ANKS6: variants seen among roughly 807,000 people sequenced by gnomAD.
ANKS6 encodes ankyrin repeat and SAM domain-containing protein 6.
A neutral mutation model predicts 77.9 loss-of-function variants in ANKS6; 47 were observed. That is an observed-to-expected ratio of 0.60 (90% confidence interval 0.48 to 0.77). The LOEUF (loss-of-function observed/expected upper bound fraction) is 0.77, where lower values mean the gene tolerates loss of function less well. Among genes scored for constraint, ANKS6 ranks in the 30% least tolerant of loss-of-function variants. The pLI, the probability that ANKS6 is intolerant of heterozygous loss-of-function variation, is 0.00. For missense variants in ANKS6, 1,150 were observed against 1,159.1 expected (o/e 0.99, Z 0.11); for synonymous variants, 488 against 501.7 (o/e 0.97, Z 0.37).
chr9:98,734,167 C>T lies in ANKS6; in HGVS notation c.*2352G>A. ...AGGGTGCCAGGGACCTCTTGTGAAC[C>T]AGCACACAAACTTCCTAGGATGAAA... is the stretch of plus-strand genomic sequence containing the variant. On this transcript the variant is annotated 3_prime_UTR_variant, in exon 15 of 15. Coordinates refer to ENST00000353234, the MANE Select transcript of ANKS6 (RefSeq NM_173551.5). 1.0e-6 allele frequency: 1 copy of T among 985,420 alleles called. No individual in the cohort carries two copies. The highest frequency in any genetic ancestry group is 1.7e-5 in the African/African-American group (1 of 57,336). 61.0% of individuals were successfully genotyped at this position (985,420 alleles called of 1,614,324 possible).
intron 2 of ANKS6, among the ~76,000 whole-genome samples, chr9:98,786,046 T>C (rs1834545751): frequency 6.6e-6 from 1 of 152,242 alleles, no homozygotes; most frequent in African/African-American, 2.4e-5. Context: ...TGGCGTGATC[T>C]TGGCTCACTG....
intron 14 of ANKS6, among the ~76,000 whole-genome samples, chr9:98,741,208 A>G (rs1313828720): frequency 1.3e-5 from 2 of 152,228 alleles, no homozygotes; most frequent in African/African-American, 4.8e-5. Context: ...TATATGAAAA[A>G]GAGTTCTTAA....
In ANKS6 at chr9:98,791,981, G is replaced by A. The variant is rs1281315799; in HGVS notation, c.360-1375C>T. Among the ~76,000 whole-genome samples the A allele has an allele frequency of 4.6e-5, 7 of 152,124 alleles. No individual in the cohort carries two copies. The highest frequency in any genetic ancestry group is 9.7e-5 in the African/African-American group (4 of 41,428). On this transcript the variant is annotated intron_variant, in intron 1 of 14. Transcript: ENST00000353234. This position sits in a 1 kb window ranked among gnomAD's most constrained non-coding sequence, Gnocchi z 4.3. Reference sequence around the variant, plus strand: ...TGAAACCAACTCAATGCAGAAAGCTGCACCCCAATGTCTCCCCGCCTCCAG... The same window carrying A: ...TGAAACCAACTCAATGCAGAAAGCTACACCCCAATGTCTCCCCGCCTCCAG...
intron 11 of ANKS6, among the ~76,000 whole-genome samples, chr9:98,761,186 T>G (rs1261815795): frequency 6.6e-6 from 1 of 152,264 alleles, no homozygotes; most frequent in African/African-American, 2.4e-5. Flanking sequence ...TTTTCTTTGA[T>G]GAAGTATCTG....
intron 12 of ANKS6, among the ~76,000 whole-genome samples, chr9:98,753,743 G>GCGCA (rs769169569): frequency 6.6e-6 from 1 of 152,140 alleles, no homozygotes; most frequent in Non-Finnish European, 1.5e-5. Context: ...GAGCAGAGAT[G>GCGCA]CGCAGTAGGA....
Position 98,733,745 on chromosome 9 carries a change from T to C in ANKS6, c.*2774A>G, listed in dbSNP as rs1224975247. 1 of 985,516 alleles carries C rather than the reference T, an allele frequency of 1.0e-6. No individual in the cohort carries two copies. The highest frequency in any genetic ancestry group is 1.2e-6 in the Non-Finnish European group (1 of 830,002). 61.0% of individuals were successfully genotyped at this position (985,516 alleles called of 1,614,324 possible). Reference sequence around the variant, plus strand: ...CATGCTGAAGGTTGTGAGAGGCCTGTAGCAAAGATGATCGTGTAGCTCGCT... The same window carrying C: ...CATGCTGAAGGTTGTGAGAGGCCTGCAGCAAAGATGATCGTGTAGCTCGCT... On this transcript the variant is annotated 3_prime_UTR_variant, in exon 15 of 15. Transcript: ENST00000353234.
chr9:98,794,275 G>A (rs1221452723), intron 1 of ANKS6, among the ~76,000 whole-genome samples: 1 of 152,132 alleles, frequency 6.6e-6, no homozygotes, highest in Non-Finnish European at 1.5e-5. Context: ...GAGCTGGGAC[G>A]ATAAATAGAT....
In ANKS6 at chr9:98,770,907, A is replaced by G. The variant is rs766048574; in HGVS notation, c.1961T>C (p.Leu654Pro). 1 of 1,517,562 alleles carries G rather than the reference A, an allele frequency of 6.6e-7. No homozygotes were observed. Among genetic ancestry groups the G allele is most frequent in the Non-Finnish European group, 8.9e-7 (1 of 1,127,960 alleles). The allele number at this position is 1,517,562 out of a possible 1,614,324, so 94.0% of individuals were successfully genotyped here. A position where few individuals can be genotyped will look rare whatever the true frequency, so the allele number is the denominator to read the frequency against. The change falls in exon 10 of 15, where the codon CTT (leucine) becomes CCT (proline). Residue 654 changes from leucine to proline, a missense_variant. Coordinates refer to ENST00000353234, the MANE Select transcript of ANKS6 (RefSeq NM_173551.5). The stretch of plus-strand genomic sequence containing the variant: ...GCCCAGCTACTCACCTGAGCGGTTA[A>G]GCAGCTCCCCACCGTGCCGGCTCAC... ...VGVSRHGGEL[L>P]NRSGGSIDNV...
Position 98,796,210 on chromosome 9 carries a change from C to A in ANKS6, c.282G>T (p.Val94=), listed in dbSNP as rs1480325652. 2.1e-6 allele frequency: 3 copies of A among 1,415,804 alleles called. No homozygotes were observed. The highest frequency in any genetic ancestry group is 5.3e-5 in the Admixed American group (2 of 37,450). The allele number at this position is 1,415,804 out of a possible 1,614,324, so 87.7% of individuals were successfully genotyped here. Residue 94 remains valine (V), a synonymous_variant, in exon 1 of 15, where the codon GTG becomes GTT. Transcript: ENST00000353234. ...FAAAGGHEPL[V]RFLLRRGASV... ...AGGCACCGCGGCGCAGCAGGAAGCG[C>A]ACCAGCGGTTCGTGGCCCCCGGCCG... is the stretch of plus-strand genomic sequence containing the variant.
At chr9:98,768,396 G>A in intron 10 of ANKS6, 146 bp from the exon 11 acceptor site, 1 of 962,008 alleles carries the variant, frequency 1.0e-6, no homozygotes, top group Non-Finnish European at 1.5e-6. Context: ...CTGACCACAG[G>A]AGAATTCTGC....
chr9:98,768,391 C>T (rs1833424326), intron 10 of ANKS6, 141 bp from the exon 11 acceptor site: 1 of 1,003,710 alleles, frequency 1.0e-6, no homozygotes, highest in African/African-American at 1.6e-5. Flanking sequence ...CAGGACTGAC[C>T]ACAGGAGAAT....
At position 98,776,626 on chromosome 9, in the gene ANKS6, C is replaced by T. The variant is rs534799746; in HGVS notation, c.1617+779G>A. 7.9e-5 allele frequency among the ~76,000 whole-genome samples: 12 copies of T among 152,270 alleles called. No homozygotes were observed. The South Asian group carries it at 2.5e-3, about 32-fold the overall frequency. On this transcript the variant is annotated intron_variant, in intron 8 of 14. Transcript: ENST00000353234. The stretch of plus-strand genomic sequence containing the variant: ...ATGTTGGCCAGGCTGGTCTCAAACT[C>T]CTGACCTCACGTGATTCACCTGCCT...
intron 13 of ANKS6, among the ~76,000 whole-genome samples, chr9:98,749,493 C>T (rs1003735257): frequency 3.9e-5 from 6 of 152,122 alleles, no homozygotes; most frequent in Admixed American, 2.0e-4. Context: ...AACCTCTGAA[C>T]GATGAAGGAC....
Position 98,733,640 on chromosome 9 carries a change from G to T in ANKS6, c.*2879C>A. On this transcript the variant is annotated 3_prime_UTR_variant, in exon 15 of 15. Coordinates refer to ENST00000353234, the MANE Select transcript of ANKS6 (RefSeq NM_173551.5). ...TCCAAGGAATTCCAGTCTTGCAAAA[G>T]CACCTTGGAGAAGTGATGAGAGTAA... is the stretch of plus-strand genomic sequence containing the variant. 1 of 985,470 alleles carries T rather than the reference G, an allele frequency of 1.0e-6. No individual in the cohort carries two copies. The highest frequency in any genetic ancestry group is 1.7e-5 in the African/African-American group (1 of 57,364). The allele number at this position is 985,470 out of a possible 1,614,324, so 61.0% of individuals were successfully genotyped here.
chr9:98,767,521 T>C (rs1166657648), intron 11 of ANKS6, among the ~76,000 whole-genome samples: 2 of 152,164 alleles, frequency 1.3e-5, no homozygotes, highest in Non-Finnish European at 2.9e-5. Context: ...CTTAGAGCGG[T>C]TGCCAAATTT....
At chr9:98,785,007 C>A in intron 2 of ANKS6, 131 bp from the exon 3 acceptor site, 1 of 739,890 alleles carries the variant, frequency 1.4e-6, no homozygotes, top group Non-Finnish European at 2.2e-6. Flanking sequence ...TGGAGACCTA[C>A]GTAATGGACA....
At chr9:98,747,025 C>T (rs1588331453) in intron 13 of ANKS6, among the ~76,000 whole-genome samples, 1 of 152,094 alleles carries the variant, frequency 6.6e-6, no homozygotes. Context: ...AGGTGCCTTA[C>T]CTCAGTTTCC....
rs1038764873 is a variant in ANKS6, at chr9:98,736,315, C to G, written c.*204G>C. 1.4e-6 allele frequency: 2 copies of G among 1,409,126 alleles called. No homozygotes were observed. The highest frequency in any genetic ancestry group is 2.9e-5 in the African/African-American group (2 of 69,064). The allele number at this position is 1,409,126 out of a possible 1,614,324, so 87.3% of individuals were successfully genotyped here. On this transcript the variant is annotated 3_prime_UTR_variant, in exon 15 of 15. Transcript: ENST00000353234. ...CAGAAGCACCCCCACTGGACTGTTA[C>G]ATGGGAATCTGTCTCTGTGTGTTGA...
chr9:98,765,203 G>A (rs571520526), intron 11 of ANKS6, among the ~76,000 whole-genome samples: 1 of 152,294 alleles, frequency 6.6e-6, no homozygotes, highest in East Asian at 1.9e-4. Flanking sequence ...TATCCCCACA[G>A]ATCTATTCCA....
Sources: allele counts gnomAD v4.1 joint callset (sites outside exome capture counted in the v4.1 genomes callset), GRCh38; gene constraint gnomAD v4.1.1; non-coding constraint Gnocchi (gnomAD v3.1); transcripts MANE v1.5; gene names NCBI Gene and HGNC (gene_info 2026-07-23, HGNC 2026-07-21).